Variants in ASH1L observed in about 807,000 individuals in gnomAD.
The protein encoded by ASH1L is ASH1 like histone lysine methyltransferase.
In ASH1L, 23 loss-of-function variants were observed where a neutral mutation model predicts 269.0. The observed-to-expected ratio is 0.09, with a 90% CI of 0.06 to 0.12. The LOEUF (loss-of-function observed/expected upper bound fraction) is 0.12, where lower values mean the gene tolerates loss of function less well. ASH1L is among the 10% of genes least tolerant of loss of function. The pLI, the probability that ASH1L is intolerant of heterozygous loss-of-function variation, is 1.00. For missense variants in ASH1L, 2,912 were observed against 3,567.8 expected, an observed-to-expected ratio of 0.82 and a Z score of 4.68; for synonymous variants, 1,187 against 1,253.5, an observed-to-expected ratio of 0.95 and a Z score of 1.12.
At chr1:155,526,997 A>G (rs995843367) in intron 1 of ASH1L, among the ~76,000 whole-genome samples, 2 of 152,246 alleles carry the variant, frequency 1.3e-5, no homozygotes, top group African/African-American at 4.8e-5. Context: ...ACTTGAGGTC[A>G]GATACTCAAG....
intron 12 of ASH1L, among the ~76,000 whole-genome samples, chr1:155,366,928 G>A (rs892861711): frequency 1.3e-5 from 2 of 151,268 alleles, no homozygotes; most frequent in Non-Finnish European, 2.9e-5. Context: ...TGTGCATCTT[G>A]GCCTCTGAAA....
intron 2 of ASH1L, among the ~76,000 whole-genome samples, chr1:155,500,104 C>T (rs577064732): frequency 6.6e-6 from 1 of 152,290 alleles, no homozygotes; most frequent in East Asian, 1.9e-4. Context: ...CTGCAGAGCC[C>T]AATGGCAGGG....
Position 155,343,523 on chromosome 1 carries a change from C to A in ASH1L, c.8121-37G>T. On this transcript the variant is annotated intron_variant, in intron 23 of 27. Transcript: ENST00000392403. This position sits in a 1 kb window ranked among gnomAD's most constrained non-coding sequence, Gnocchi z 6.1. ...GAAAAGTGAGAAGGGAGAGGTTTAGCTGATTAGCAAGATCCTAGTGAACAT... is the reference window on the plus strand; with the variant it reads ...GAAAAGTGAGAAGGGAGAGGTTTAGATGATTAGCAAGATCCTAGTGAACAT... The A allele has an allele frequency of 2.5e-6, 4 of 1,611,994 alleles. No individual in the cohort carries two copies. The highest frequency in any genetic ancestry group is 2.5e-6 in the Non-Finnish European group (3 of 1,178,702).
intron 10 of ASH1L, among the ~76,000 whole-genome samples, chr1:155,371,866 G>A (rs1440331656): frequency 6.6e-6 from 1 of 151,744 alleles, no homozygotes; most frequent in Admixed American, 6.6e-5. Context: ...GCTATTTTTT[G>A]TATTTTCAGT....
At chr1:155,549,236 A>G (rs1266185135) in intron 1 of ASH1L, among the ~76,000 whole-genome samples, 1 of 152,162 alleles carries the variant, frequency 6.6e-6, no homozygotes, top group Non-Finnish European at 1.5e-5. Context: ...CCACCTACGC[A>G]GGAAGCTGAG....
At chr1:155,394,040 C>T (rs779488869) in intron 7 of ASH1L, among the ~76,000 whole-genome samples, 11 of 151,994 alleles carry the variant, frequency 7.2e-5, no homozygotes, top group Admixed American at 2.0e-4. Context: ...CAAAGAGAGA[C>T]GAAGCCTCTT....
chr1:155,344,353 A>C, intron 21 of ASH1L, 80 bp from the exon 22 acceptor site: 1 of 1,071,208 alleles, frequency 9.3e-7, no homozygotes, highest in Non-Finnish European at 1.4e-6. Flanking sequence ...AGAATTCTCA[A>C]TCAAAACTTA....
At chr1:155,470,902 A>C (rs1411885293) in intron 3 of ASH1L, among the ~76,000 whole-genome samples, 1 of 152,218 alleles carries the variant, frequency 6.6e-6, no homozygotes, top group Non-Finnish European at 1.5e-5. Flanking sequence ...ATCATAAGGG[A>C]ATAGTTAAGA....
At chr1:155,519,720 G>A (rs911027613) in intron 2 of ASH1L, among the ~76,000 whole-genome samples, 1 of 151,986 alleles carries the variant, frequency 6.6e-6, no homozygotes, top group South Asian at 2.1e-4. Context: ...GTGCAGTGGC[G>A]CAACCTGAGC....
chr1:155,454,634 G>A (rs1358556992), intron 4 of ASH1L, among the ~76,000 whole-genome samples: 1 of 152,120 alleles, frequency 6.6e-6, no homozygotes, highest in African/African-American at 2.4e-5. Context: ...CAGGCGTGGT[G>A]GCACATGCCT....
At chr1:155,547,931 G>A (rs754099406) in intron 1 of ASH1L, among the ~76,000 whole-genome samples, 4 of 152,066 alleles carry the variant, frequency 2.6e-5, no homozygotes, top group Non-Finnish European at 4.4e-5. Context: ...AGCCGAGATC[G>A]CACTACTGCA....
At chr1:155,453,728 G>A (rs1663663538) in intron 4 of ASH1L, among the ~76,000 whole-genome samples, 1 of 152,104 alleles carries the variant, frequency 6.6e-6, no homozygotes, top group African/African-American at 2.4e-5. Flanking sequence ...GAACCCGGGA[G>A]GCAGAGGCTT....
chr1:155,511,524 T>C (rs1241903751), intron 2 of ASH1L, among the ~76,000 whole-genome samples: 1 of 152,132 alleles, frequency 6.6e-6, no homozygotes, highest in Non-Finnish European at 1.5e-5. Flanking sequence ...ACCAAGACTG[T>C]TTCTTGTTTG....
Position 155,478,983 on chromosome 1 carries a change from C to T in ASH1L, c.3887G>A (p.Ser1296Asn), listed in dbSNP as rs1435846951. Reference sequence around the variant, plus strand: ...AGTGATCCGAATTTCACTTAGGCGACTTATTAGTTCCTCCAGCTCTGCAAT... The same window carrying T: ...AGTGATCCGAATTTCACTTAGGCGATTTATTAGTTCCTCCAGCTCTGCAAT... Reference protein sequence around the residue: ...DFIAELEELISRLSEIRITHR... With the variant: ...DFIAELEELINRLSEIRITHR... Residue 1296 changes from serine (S) to asparagine (N), a missense_variant, in exon 3 of 28, where the codon AGT (serine) becomes AAT (asparagine). Around this residue, in one of 13 missense-constraint regions of ASH1L, gnomAD observed 789 missense variants for 897.6 expected, o/e 0.88. Transcript: ENST00000392403. The surrounding 1 kb of genome is among the most constrained non-coding windows in gnomAD (Gnocchi z 4.6). 3 of 1,613,512 alleles carry T rather than the reference C, an allele frequency of 1.9e-6. No homozygotes were observed. The highest frequency in any genetic ancestry group is 2.5e-6 in the Non-Finnish European group (3 of 1,180,018).
chr1:155,438,486 G>A lies in ASH1L; in HGVS notation c.5669C>T (p.Pro1890Leu). 1 of 1,613,774 alleles carries A rather than the reference G, an allele frequency of 6.2e-7. No homozygotes were observed. The highest frequency in any genetic ancestry group is 8.5e-7 in the Non-Finnish European group (1 of 1,179,922). ...DEEGAALHLS[P>L]DTVTDVIEAV... is the part of the protein sequence containing the mutation. ...CTCAATTACATCTGTAACTGTGTCA[G>A]GACTGAGGTGCAGTGCTGCTCCTTC... is the stretch of plus-strand genomic sequence containing the variant. Residue 1890 changes from proline (P) to leucine (L), a missense_variant, in exon 5 of 28, where the codon CCT (proline) becomes CTT (leucine). Pro to Leu is a moderately conservative substitution (Grantham distance 98). Coordinates refer to ENST00000392403, the MANE Select transcript of ASH1L (RefSeq NM_018489.3).
At chr1:155,339,624 T>C (rs1346997002) in intron 25 of ASH1L, among the ~76,000 whole-genome samples, 3 of 152,244 alleles carry the variant, frequency 2.0e-5, no homozygotes, top group Non-Finnish European at 2.9e-5. Flanking sequence ...TACAGTCATA[T>C]GTCGCTTGGG....
intron 3 of ASH1L, among the ~76,000 whole-genome samples, chr1:155,463,608 T>C (rs1451876224): frequency 2.6e-5 from 4 of 151,820 alleles, no homozygotes; most frequent in Admixed American, 1.3e-4. Context: ...GCCTGGACAA[T>C]ATGGCGAAAC....
chr1:155,427,902 T>G (rs901391106), intron 5 of ASH1L, among the ~76,000 whole-genome samples: 1 of 152,092 alleles, frequency 6.6e-6, no homozygotes, highest in Non-Finnish European at 1.5e-5. Flanking sequence ...GTGAGTGAGT[T>G]CTGTTGAGAT....
At chr1:155,494,477 G>C (rs979343634) in intron 2 of ASH1L, among the ~76,000 whole-genome samples, 1 of 152,162 alleles carries the variant, frequency 6.6e-6, no homozygotes, top group Non-Finnish European at 1.5e-5. Flanking sequence ...GACAATTGCA[G>C]AGAGGACAGT....
Sources: gnomAD v4.1 joint callset for allele counts (sites outside exome capture counted in the v4.1 genomes callset) on GRCh38, gnomAD v4.1.1 for gene constraint, gnomAD v4.1.1 regional missense constraint, Gnocchi (gnomAD v3.1) non-coding constraint, MANE v1.5 for transcripts, NCBI Gene and HGNC (gene_info 2026-07-23, HGNC 2026-07-21) for gene names.